The following AASS variants were observed in gnomAD, a reference collection of about 807,000 sequenced individuals.
AASS encodes the protein aminoadipate-semialdehyde synthase.
AASS carries 86 observed loss-of-function variants against 105.4 expected under a neutral mutation model. The ratio of observed to expected loss-of-function variants is 0.82; its 90% CI spans 0.69 to 0.98. AASS has a LOEUF of 0.98. Among genes scored for constraint, AASS ranks in the 50% least tolerant of loss-of-function variants. The probability of loss-of-function intolerance (pLI) is 0.00; values close to 1 mark genes in which losing one functional copy is unlikely to be tolerated. For synonymous variants in AASS, 381 were observed against 394.8 expected, an observed-to-expected ratio of 0.96 and a Z score of 0.41; for missense variants, 1,048 against 1,143.2, an observed-to-expected ratio of 0.92 and a Z score of 1.20.
chr7:122,131,577 G>T (rs942406601), intron 2 of AASS, among the ~76,000 whole-genome samples: 6 of 151,782 alleles, frequency 4.0e-5, no homozygotes, highest in Non-Finnish European at 8.8e-5. Context: ...TTTTTCCTCT[G>T]GAGGTCTTTT....
chr7:122,093,679 G>A (rs1054833362), intron 15 of AASS, among the ~76,000 whole-genome samples: 90 of 152,014 alleles, frequency 5.9e-4, no homozygotes, highest in African/African-American at 2.1e-3. Flanking sequence ...GCATGTTGGC[G>A]CATGCCTGTA....
intron 18 of AASS, among the ~76,000 whole-genome samples, chr7:122,089,530 AC>A (rs1224011265): frequency 6.6e-6 from 1 of 152,204 alleles, no homozygotes. Context: ...AACTTCTGCT[AC>A]CTGAAAATAA....
intron 17 of AASS, among the ~76,000 whole-genome samples, chr7:122,092,066 T>A (rs1055202786): frequency 1.3e-5 from 2 of 151,958 alleles, no homozygotes; most frequent in African/African-American, 4.8e-5. Context: ...AAATAGTGAC[T>A]AACATTTTGT....
chr7:122,137,073 G>A (rs1467437932), intron 1 of AASS, among the ~76,000 whole-genome samples: 1 of 152,154 alleles, frequency 6.6e-6, no homozygotes, highest in Non-Finnish European at 1.5e-5. Context: ...TGCATGGAAG[G>A]CTTAAATAAT....
intron 19 of AASS, among the ~76,000 whole-genome samples, chr7:122,083,436 C>T (rs1340562297): frequency 6.6e-6 from 1 of 151,910 alleles, no homozygotes; most frequent in African/African-American, 2.4e-5. Flanking sequence ...TGTATTCATT[C>T]ATCAATAAGC....
intron 4 of AASS, among the ~76,000 whole-genome samples, chr7:122,125,885 A>G (rs1347956198): frequency 1.3e-5 from 2 of 152,186 alleles, no homozygotes; most frequent in Non-Finnish European, 2.9e-5. Context: ...TTTATATAAC[A>G]AGGTCAAACA....
Position 122,113,247 on chromosome 7 carries a change from G to A in AASS, c.1167-18C>T, listed in dbSNP as rs1795017027. The A allele has an allele frequency of 6.2e-7, 1 of 1,600,508 alleles. No homozygotes were observed. Among genetic ancestry groups the A allele is most frequent in the Non-Finnish European group, 8.6e-7 (1 of 1,167,736 alleles). On this transcript the variant is annotated intron_variant, in intron 10 of 23. Coordinates refer to ENST00000417368, the MANE Select transcript of AASS (RefSeq NM_005763.4). Reference sequence around the variant, plus strand: ...CTTCAACACTAAAAGCAGCAATGTGGTTTATTCAGAAGCACAAAACATTAT... The same window carrying A: ...CTTCAACACTAAAAGCAGCAATGTGATTTATTCAGAAGCACAAAACATTAT...
chr7:122,086,165 T>G lies in AASS; in HGVS notation c.2031A>C (p.Ala677=), dbSNP rs1484554381. Residue 677 remains alanine, a synonymous_variant, in exon 19 of 24, where the codon GCA becomes GCC. Transcript: ENST00000417368. ...CGGCATCAAGAAAGGAGATGCCTCC[T>G]GCAACATTCACAACCTGAGGAACAT... ...YLLDGKVVNV[A]GGISFLDAVT... is the part of the protein sequence containing the mutation. 6.2e-6 allele frequency: 10 copies of G among 1,613,204 alleles called. No homozygotes were observed. In the Admixed American group the frequency reaches 1.3e-4, roughly 22 times the overall value.
intron 15 of AASS, 52 bp downstream of exon 15, chr7:122,098,398 A>C (rs200261230): frequency 1.5e-4 from 235 of 1,604,540 alleles, no homozygotes; most frequent in Admixed American, 7.2e-4. Context: ...AAGAAAAATG[A>C]GAAAAGAAAT....
rs1792960608 is a variant in AASS at position 122,075,553 on chromosome 7, A to G, written c.*936T>C. On this transcript the variant is annotated 3_prime_UTR_variant, in exon 24 of 24. Coordinates refer to ENST00000417368, the MANE Select transcript of AASS (RefSeq NM_005763.4). The stretch of plus-strand genomic sequence containing the variant: ...GTCCTTCACCATTAAGTATGATGCT[A>G]ACCATGGGTTCTTCATAGATGCCCT... 1 of 152,224 alleles carries G rather than the reference A, an allele frequency of 6.6e-6. No individual in the cohort carries two copies. The highest frequency in any genetic ancestry group is 2.1e-4 in the South Asian group (1 of 4,834). The allele number at this position is 152,224 out of a possible 1,614,324, so 9.4% of individuals were successfully genotyped here.
At chr7:122,137,043 C>G (rs1000601000) in intron 1 of AASS, among the ~76,000 whole-genome samples, 2 of 152,196 alleles carry the variant, frequency 1.3e-5, no homozygotes, top group Non-Finnish European at 2.9e-5. Flanking sequence ...ATTTGGGAAG[C>G]TACTTTCACT....
intron 13 of AASS, among the ~76,000 whole-genome samples, chr7:122,101,045 T>A (rs1794400807): frequency 6.6e-6 from 1 of 151,706 alleles, no homozygotes; most frequent in Admixed American, 6.6e-5. Context: ...TTTGAGAAAA[T>A]AACCGAGGCA....
intron 6 of AASS, among the ~76,000 whole-genome samples, chr7:122,118,037 A>C (rs903799518): frequency 1.3e-5 from 2 of 152,170 alleles, no homozygotes; most frequent in African/African-American, 2.4e-5. Context: ...ACTAAAAGCT[A>C]TATGTGTGTA....
chr7:122,132,049 C>G (rs777142702), intron 2 of AASS, among the ~76,000 whole-genome samples: 9 of 152,072 alleles, frequency 5.9e-5, no homozygotes, highest in Non-Finnish European at 1.3e-4. Flanking sequence ...AATTTGAGTC[C>G]ACACTTTGAT....
Position 122,118,463 on chromosome 7 carries a change from A to G in AASS, c.541-10T>C. On this transcript the variant is annotated splice_polypyrimidine_tract_variant and intron_variant, in intron 5 of 23. Transcript: ENST00000417368. ...GAGCCATGCCAATGTGCTGAAAACA[A>G]ACATACACAACTCAAGTTAGTCCAC... The G allele has an allele frequency of 6.2e-7, 1 of 1,614,166 alleles. No homozygotes were observed. Among genetic ancestry groups the G allele is most frequent in the Non-Finnish European group, 8.5e-7 (1 of 1,180,008 alleles).
rs772439173 is a variant in AASS, at chr7:122,086,104, C to A, written c.2092G>T (p.Glu698Ter). The A allele has an allele frequency of 1.2e-6, 2 of 1,613,428 alleles. No homozygotes were observed. The highest frequency in any genetic ancestry group is 1.7e-6 in the Non-Finnish European group (2 of 1,179,762). ...GTACTGTCTCTGTTAGGATAGCCTTCCAAATTTAATCCTGGAAAAAAATCC... is the reference window on the plus strand; with the variant it reads ...GTACTGTCTCTGTTAGGATAGCCTTACAAATTTAATCCTGGAAAAAAATCC... ...SMDFFPGLNL[E>*]GYPNRDSTKY... Residue 698 changes from glutamate (E) to a stop codon, truncating the protein, a stop_gained, in exon 19 of 24, where the codon GAA becomes TAA. Transcript: ENST00000417368. LOFTEE classifies it high-confidence loss of function.
chr7:122,115,318 T>C, intron 8 of AASS, 96 bp from the exon 9 acceptor site: 1 of 1,461,252 alleles, frequency 6.8e-7, no homozygotes, highest in Non-Finnish European at 9.5e-7. Context: ...TGAGAAATAA[T>C]TAAATGTAAC....
chr7:122,092,067 A>G (rs1793931096), intron 17 of AASS, among the ~76,000 whole-genome samples: 1 of 151,948 alleles, frequency 6.6e-6, no homozygotes, highest in Non-Finnish European at 1.5e-5. Context: ...AATAGTGACT[A>G]ACATTTTGTT....
intron 15 of AASS, among the ~76,000 whole-genome samples, chr7:122,093,902 T>C (rs963745381): frequency 1.3e-5 from 2 of 152,086 alleles, no homozygotes; most frequent in Non-Finnish European, 2.9e-5. Flanking sequence ...GAATACTACA[T>C]AGCCATAAAA....
Sources: allele counts gnomAD v4.1 joint callset (sites outside exome capture counted in the v4.1 genomes callset), GRCh38; gene constraint gnomAD v4.1.1; transcripts MANE v1.5; gene names NCBI Gene and HGNC (gene_info 2026-07-23, HGNC 2026-07-21).